The following RIPOR2 variants were observed in gnomAD, a reference collection of about 807,000 sequenced individuals.
RIPOR2 encodes the protein RHO family interacting cell polarization regulator 2.
Under a neutral mutation model 114.5 loss-of-function variants are expected in RIPOR2, and 39 were observed. The observed-to-expected ratio is 0.34, with a 90% CI of 0.26 to 0.44. RIPOR2 has a LOEUF of 0.44. Ranked by LOEUF, RIPOR2 falls within the 20% of genes least tolerant of loss-of-function variation. The pLI is 1.00. For synonymous variants in RIPOR2, 445 were observed against 484.4 expected, an observed-to-expected ratio of 0.92 and a Z score of 1.07; for missense variants, 1,007 against 1,255.1, an observed-to-expected ratio of 0.80 and a Z score of 2.99.
intron 1 of RIPOR2, among the ~76,000 whole-genome samples, chr6:24,943,640 A>G (rs1438040008): frequency 1.3e-5 from 2 of 152,146 alleles, no homozygotes; most frequent in East Asian, 3.9e-4. Flanking sequence ...ATTTCAATAG[A>G]ACAATGAGTT....
chr6:24,855,045 A>AG (rs1763318584), intron 8 of RIPOR2, among the ~76,000 whole-genome samples: 2 of 149,576 alleles, frequency 1.3e-5, no homozygotes, highest in African/African-American at 4.9e-5. Flanking sequence ...AAAAAAAAAA[A>AG]GGAAGGACAC....
rs183487570 is a variant in RIPOR2, at chr6:24,960,522, T to A, written c.76+81329A>T. ...ATTGAGCTTCAACATAAGTTTTGAA[T>A]TTTTTGTTTGTTTGTTTTTTTGAGA... On this transcript the variant is annotated intron_variant, in intron 1 of 13. Coordinates refer to the RIPOR2 transcript ENST00000510784. Among the ~76,000 whole-genome samples the A allele has an allele frequency of 9.2e-5, 14 of 152,240 alleles. No homozygotes were observed. The East Asian group carries it at 2.7e-3, about 29-fold the overall frequency.
chr6:24,835,634 A>T, intron 15 of RIPOR2, 69 bp downstream of exon 15: 1 of 1,467,064 alleles, frequency 6.8e-7, no homozygotes. Flanking sequence ...CAACACTAAA[A>T]AATGAAAGCA....
intron 1 of RIPOR2, among the ~76,000 whole-genome samples, chr6:24,931,655 TG>T (rs1235944006): frequency 6.6e-6 from 1 of 152,222 alleles, no homozygotes; most frequent in Non-Finnish European, 1.5e-5. Flanking sequence ...TAGTTTCTTG[TG>T]ATCTTCAAGC....
intron 1 of RIPOR2, among the ~76,000 whole-genome samples, chr6:24,909,686 T>A (rs1297104599): frequency 6.6e-6 from 1 of 152,124 alleles, no homozygotes; most frequent in Non-Finnish European, 1.5e-5. Flanking sequence ...ATCCTAGACC[T>A]TCTACCAAGC....
rs1760344227 is a variant in RIPOR2 at position 24,828,132 on chromosome 6, C to A, written c.2665+5G>T. 2 of 1,542,134 alleles carry A rather than the reference C, an allele frequency of 1.3e-6. No homozygotes were observed. The highest frequency in any genetic ancestry group is 1.4e-5 in the African/African-American group (1 of 72,656). ...ACTACAATGTGACAAAAGAACATGT[C>A]CCACCTTGCCTGGCCAGCTGGCTCA... On this transcript the variant is annotated splice_donor_5th_base_variant and intron_variant, in intron 18 of 21. Coordinates refer to ENST00000643898, the MANE Select transcript of RIPOR2 (RefSeq NM_001286445.3).
rs1770997745 is a variant in RIPOR2 at position 24,927,278 on chromosome 6, C to CCAT, written c.61+8559_61+8560insATG. ...ACCACCACCACCACAGCTACAATCACCACCACCACCACCACCACCACCACC... is the reference window on the plus strand; with the variant it reads ...ACCACCACCACCACAGCTACAATCACCATCACCACCACCACCACCACCACCACC... On this transcript the variant is annotated intron_variant, in intron 1 of 21. Coordinates refer to ENST00000643898, the MANE Select transcript of RIPOR2 (RefSeq NM_001286445.3). Among the ~76,000 whole-genome samples, 10 of 104,584 alleles carry CCAT rather than the reference C, an allele frequency of 9.6e-5. 1 individual carries two copies. Among genetic ancestry groups the CCAT allele is most frequent in the Admixed American group, 3.7e-4 (4 of 10,750 alleles). The allele number at this position is 104,584 out of a possible 152,430, so 68.6% of individuals were successfully genotyped here.
At chr6:24,926,913 C>T (rs1432223902) in intron 1 of RIPOR2, among the ~76,000 whole-genome samples, 1 of 151,170 alleles carries the variant, frequency 6.6e-6, no homozygotes, top group Non-Finnish European at 1.5e-5. Flanking sequence ...TCATCACCAC[C>T]ACCATCATCA....
At chr6:24,863,688 A>T (rs564116515) in intron 7 of RIPOR2, among the ~76,000 whole-genome samples, 207 of 152,356 alleles carry the variant, frequency 1.4e-3, no homozygotes, top group African/African-American at 4.6e-3. Flanking sequence ...ATGAAGGTAG[A>T]AAACAAGCCA....
At position 24,838,975 on chromosome 6, in the gene RIPOR2, A is replaced by G. The variant is rs561447235; in HGVS notation, c.2039+116T>C. On this transcript the variant is annotated intron_variant, in intron 14 of 21. Transcript: ENST00000643898. ...GGAACTGTAAGCCAACTGGTCACTC[A>G]TGTGGAGAGTTTTATCTTCCTGGAA... 74 of 809,858 alleles carry G rather than the reference A, an allele frequency of 9.1e-5. 1 individual carries two copies. The South Asian group carries it at 1.3e-3, about 15-fold the overall frequency. 50.2% of individuals were successfully genotyped at this position (809,858 alleles called of 1,614,324 possible). A position where few individuals can be genotyped will look rare whatever the true frequency, so the allele number is the denominator to read the frequency against.
chr6:25,039,919 T>A (rs1777394723), intron 1 of RIPOR2, among the ~76,000 whole-genome samples: 1 of 152,232 alleles, frequency 6.6e-6, no homozygotes, highest in Non-Finnish European at 1.5e-5. Flanking sequence ...TGTTTGCTTG[T>A]CTTTGAATTG....
chr6:24,877,849 T>C (rs1396311924), intron 1 of RIPOR2, among the ~76,000 whole-genome samples: 2 of 152,106 alleles, frequency 1.3e-5, no homozygotes, highest in East Asian at 1.9e-4. Flanking sequence ...CTAATTCTGA[T>C]TGGCTATTTT....
chr6:24,987,344 A>G (rs1182308098), intron 1 of RIPOR2, among the ~76,000 whole-genome samples: 1 of 152,182 alleles, frequency 6.6e-6, no homozygotes, highest in East Asian at 1.9e-4. Flanking sequence ...GATGATACAC[A>G]TTGCATGGGG....
chr6:24,842,386 A>G (rs1761805366), intron 13 of RIPOR2, among the ~76,000 whole-genome samples: 1 of 152,114 alleles, frequency 6.6e-6, no homozygotes, highest in African/African-American at 2.4e-5. Context: ...TTAATCTGAG[A>G]TTCTGACTTG....
intron 8 of RIPOR2, among the ~76,000 whole-genome samples, chr6:24,855,044 A>G (rs1260718449): frequency 2.0e-5 from 3 of 151,130 alleles, no homozygotes; most frequent in African/African-American, 7.3e-5. Flanking sequence ...AAAAAAAAAA[A>G]AGGAAGGACA....
At chr6:25,026,139 G>C (rs1424379560) in intron 1 of RIPOR2, among the ~76,000 whole-genome samples, 2 of 152,018 alleles carry the variant, frequency 1.3e-5, no homozygotes, top group Non-Finnish European at 2.9e-5. Context: ...CTCACAGGTG[G>C]AAACTAGAAT....
At chr6:24,925,308 T>A (rs1017637867) in intron 1 of RIPOR2, among the ~76,000 whole-genome samples, 2 of 152,242 alleles carry the variant, frequency 1.3e-5, no homozygotes, top group African/African-American at 4.8e-5. Context: ...CTGTGTCTAC[T>A]GCATTGTAGT....
chr6:24,847,669 T>C (rs1762452901), intron 12 of RIPOR2: 1 of 1,551,416 alleles, frequency 6.4e-7, no homozygotes, highest in Non-Finnish European at 8.7e-7. Flanking sequence ...CCTGGGCTTG[T>C]CTGGGGAAGG....
At chr6:24,945,083 A>G (rs1300884245) in intron 1 of RIPOR2, among the ~76,000 whole-genome samples, 1 of 152,154 alleles carries the variant, frequency 6.6e-6, no homozygotes, top group African/African-American at 2.4e-5. Context: ...TGATTTGTAT[A>G]TATTCCATAC....
Sources: allele counts gnomAD v4.1 joint callset (sites outside exome capture counted in the v4.1 genomes callset), GRCh38; gene constraint gnomAD v4.1.1; transcripts MANE v1.5; gene names NCBI Gene and HGNC (gene_info 2026-07-23, HGNC 2026-07-21).